USH2A: variants seen among roughly 807,000 people sequenced by gnomAD.
USH2A encodes the protein Usher syndrome 2A (autosomal recessive, mild).
In USH2A, 443 loss-of-function variants were observed where a neutral mutation model predicts 538.9. The observed-to-expected ratio is 0.82, with a 90% CI of 0.76 to 0.89. USH2A has a LOEUF of 0.89. USH2A is among the 40% of genes least tolerant of loss of function. USH2A has a pLI of 0.00. For synonymous variants in USH2A, 2,413 were observed against 2,273.5 expected, an observed-to-expected ratio of 1.06 and a Z score of -1.75; for missense variants, 6,633 against 6,324.8, an observed-to-expected ratio of 1.05 and a Z score of -1.65.
At chr1:216,358,855 C>CA (rs1383914969) in intron 4 of USH2A, among the ~76,000 whole-genome samples, 1 of 152,118 alleles carries the variant, frequency 6.6e-6, no homozygotes, top group Non-Finnish European at 1.5e-5. Context: ...CTTCAGTTCA[C>CA]ACTGTTCTTT....
Position 215,675,130 on chromosome 1 carries a change from C to T in USH2A, c.12781G>A (p.Ala4261Thr). Residue 4261 changes from alanine (A) to threonine (T), a missense_variant, in exon 63 of 72, where the codon GCA (alanine) becomes ACA (threonine). By Grantham distance (58) the Ala-to-Thr change is moderately conservative. Coordinates refer to ENST00000307340, the MANE Select transcript of USH2A (RefSeq NM_206933.4). ...GGTGGAGAGAGACCTTCTGGAGGTGCTTGCAATGTCCTCACCACATTCCAA... is the reference window on the plus strand; with the variant it reads ...GGTGGAGAGAGACCTTCTGGAGGTGTTTGCAATGTCCTCACCACATTCCAA... Reference protein sequence around the residue: ...SSWNVVRTLQAPPEGLSPPVI... With the variant: ...SSWNVVRTLQTPPEGLSPPVI... The T allele has an allele frequency of 6.2e-7, 1 of 1,614,076 alleles. No homozygotes were observed. The highest frequency in any genetic ancestry group is 8.5e-7 in the Non-Finnish European group (1 of 1,180,014).
intron 61 of USH2A, among the ~76,000 whole-genome samples, chr1:215,690,223 C>G (rs1438958118): frequency 2.6e-5 from 4 of 152,174 alleles, no homozygotes; most frequent in South Asian, 2.1e-4. Flanking sequence ...GTGCTGGCCC[C>G]ACAGAGATGG....
rs144782676 is a variant in USH2A at position 216,031,160 on chromosome 1, G to T, written c.6325+15271C>A. 3.2e-4 allele frequency among the ~76,000 whole-genome samples: 48 copies of T among 152,012 alleles called. No individual in the cohort carries two copies. In the East Asian group the frequency reaches 9.1e-3, roughly 29 times the overall value. On this transcript the variant is annotated intron_variant, in intron 32 of 71. Transcript: ENST00000307340. ...GAGAATTCAGGGGCTGTTAATAATG[G>T]TATTCTCCTACAGTTTACTAAATTT...
rs1444774557 is a variant in USH2A, at chr1:215,934,887, T to C, written c.7121-92A>G. On this transcript the variant is annotated intron_variant, in intron 37 of 71. Coordinates refer to ENST00000307340, the MANE Select transcript of USH2A (RefSeq NM_206933.4). ...TATTTTCTTGAGTTTCTAAATATACTGTACCAAATAGGTCTGTAACTTTAC... is the reference window on the plus strand; with the variant it reads ...TATTTTCTTGAGTTTCTAAATATACCGTACCAAATAGGTCTGTAACTTTAC... 6.5e-6 allele frequency: 8 copies of C among 1,228,870 alleles called. No homozygotes were observed. The Admixed American group carries it at 8.5e-5, about 13-fold the overall frequency. 76.1% of individuals were successfully genotyped at this position (1,228,870 alleles called of 1,614,324 possible). A position where few individuals can be genotyped will look rare whatever the true frequency, so the allele number is the denominator to read the frequency against.
Position 215,914,070 on chromosome 1 carries a change from T to C in USH2A, c.7301-13165A>G, listed in dbSNP as rs1355939501. Among the ~76,000 whole-genome samples the C allele has an allele frequency of 3.6e-4, 14 of 38,394 alleles. 1 individual carries two copies. The highest frequency in any genetic ancestry group is 0.023 in the Middle Eastern group (2 of 86). The allele number at this position is 38,394 out of a possible 152,430, so 25.2% of individuals were successfully genotyped here. ...GTTAGCCATTGTCAAGCAACAGACT[T>C]TTTTTTTTTTTTTTTTTTTTTGAGA... is the stretch of plus-strand genomic sequence containing the variant. On this transcript the variant is annotated intron_variant, in intron 38 of 71. Coordinates refer to ENST00000307340, the MANE Select transcript of USH2A (RefSeq NM_206933.4).
chr1:215,832,682 A>G (rs1416809406), intron 47 of USH2A, among the ~76,000 whole-genome samples: 1 of 151,994 alleles, frequency 6.6e-6, no homozygotes, highest in African/African-American at 2.4e-5. Context: ...TTTCTTTCAA[A>G]GATTGGGAAC....
chr1:215,752,597 A>C (rs572706420), intron 58 of USH2A, among the ~76,000 whole-genome samples: 15 of 152,174 alleles, frequency 9.9e-5, no homozygotes, highest in Non-Finnish European at 1.9e-4. Flanking sequence ...GTGTAGGTAA[A>C]GCTTTCTGGT....
intron 63 of USH2A, among the ~76,000 whole-genome samples, chr1:215,672,554 C>T (rs1657851689): frequency 6.6e-6 from 1 of 152,070 alleles, no homozygotes; most frequent in African/African-American, 2.4e-5. Context: ...TTTTGATTTC[C>T]CACATAAAGA....
chr1:215,956,366 TGTGA>T (rs1285454161), intron 37 of USH2A, among the ~76,000 whole-genome samples: 2 of 152,208 alleles, frequency 1.3e-5, no homozygotes, highest in African/African-American at 2.4e-5. Context: ...TTGAAAATGG[TGTGA>T]GTATTTTTAA....
At chr1:215,814,186 ATCTTT>A (rs1662791530) in intron 48 of USH2A, among the ~76,000 whole-genome samples, 2 of 145,770 alleles carry the variant, frequency 1.4e-5, no homozygotes, top group African/African-American at 4.9e-5. Context: ...TTAATTTTAT[ATCTTT>A]TATTTTATTA....
chr1:216,264,578 G>A (rs1230807592), intron 11 of USH2A, among the ~76,000 whole-genome samples: 1 of 152,084 alleles, frequency 6.6e-6, no homozygotes, highest in Non-Finnish European at 1.5e-5. Flanking sequence ...GATTACAGGC[G>A]TGAGCCACCC....
chr1:215,942,453 C>A (rs922745978), intron 37 of USH2A, among the ~76,000 whole-genome samples: 2 of 152,150 alleles, frequency 1.3e-5, no homozygotes, highest in African/African-American at 4.8e-5. Context: ...CAGATGCCAC[C>A]TTACAGTCTC....
intron 49 of USH2A, among the ~76,000 whole-genome samples, chr1:215,801,826 A>G (rs1044132179): frequency 6.6e-6 from 1 of 152,116 alleles, no homozygotes. Context: ...AACAACATTG[A>G]AAAAGAACAA....
intron 64 of USH2A, among the ~76,000 whole-genome samples, chr1:215,658,029 G>T (rs962322586): frequency 3.3e-5 from 5 of 150,180 alleles, no homozygotes; most frequent in Non-Finnish European, 7.4e-5. Context: ...CGCCTCCCAG[G>T]TTCACACTAT....
chr1:215,681,112 G>A (rs775199689), intron 61 of USH2A, among the ~76,000 whole-genome samples: 16 of 152,138 alleles, frequency 1.1e-4, no homozygotes, highest in Non-Finnish European at 1.8e-4. Flanking sequence ...AAGAAAAAAA[G>A]GGATAGCCTA....
Position 215,817,206 on chromosome 1 carries a change from G to A in USH2A, c.9372-11C>T, listed in dbSNP as rs767788226. 1.9e-6 allele frequency: 3 copies of A among 1,610,944 alleles called. No individual in the cohort carries two copies. Among genetic ancestry groups the A allele is most frequent in the Middle Eastern group, 1.7e-4 (1 of 6,036 alleles). On this transcript the variant is annotated splice_polypyrimidine_tract_variant and intron_variant, in intron 47 of 71. Coordinates refer to ENST00000307340, the MANE Select transcript of USH2A (RefSeq NM_206933.4). Reference sequence around the variant, plus strand: ...TCAATTTGAAGAGATCTGCAACAGAGAGAATAATCAATACTTCTGAAAAGA... The same window carrying A: ...TCAATTTGAAGAGATCTGCAACAGAAAGAATAATCAATACTTCTGAAAAGA...
chr1:216,309,757 G>C lies in USH2A; in HGVS notation c.1644+12126C>G, dbSNP rs139536883. ...TTGTGGAGAGTTTTGATCATGAATG[G>C]ATGCTTGATTTTGTCAAATACTTTT... is the stretch of plus-strand genomic sequence containing the variant. On this transcript the variant is annotated intron_variant, in intron 9 of 71. Coordinates refer to ENST00000307340, the MANE Select transcript of USH2A (RefSeq NM_206933.4). Among the ~76,000 whole-genome samples the C allele has an allele frequency of 9.7e-3, 1,468 of 152,112 alleles. 22 individuals are homozygous for C. Among genetic ancestry groups the C allele is most frequent in the African/African-American group, 0.034 (1,401 of 41,508 alleles).
intron 44 of USH2A, among the ~76,000 whole-genome samples, chr1:215,859,741 G>A (rs1664267534): frequency 6.6e-6 from 1 of 152,134 alleles, no homozygotes; most frequent in African/African-American, 2.4e-5. Flanking sequence ...GCTACACTGA[G>A]AATTAGGGCT....
chr1:216,315,669 G>T (rs1347555701), intron 9 of USH2A, among the ~76,000 whole-genome samples: 1 of 152,052 alleles, frequency 6.6e-6, no homozygotes, highest in Non-Finnish European at 1.5e-5. Context: ...GGACAAATTG[G>T]TAGAGTACAC....
Sources: allele counts gnomAD v4.1 joint callset (sites outside exome capture counted in the v4.1 genomes callset), GRCh38; gene constraint gnomAD v4.1.1; transcripts MANE v1.5; gene names NCBI Gene and HGNC (gene_info 2026-07-23, HGNC 2026-07-21).